SEMA6D: variants seen among roughly 807,000 people sequenced by gnomAD.
SEMA6D encodes semaphorin-6D.
A neutral mutation model predicts 106.6 loss-of-function variants in SEMA6D; 35 were observed. The ratio of observed to expected loss-of-function variants is 0.33; its 90% CI spans 0.25 to 0.44. SEMA6D has a LOEUF of 0.44. Among genes scored for constraint, SEMA6D ranks in the 20% least tolerant of loss-of-function variants. The probability of loss-of-function intolerance (pLI) is 1.00; values close to 1 mark genes in which losing one functional copy is unlikely to be tolerated. For synonymous variants in SEMA6D, 499 were observed against 487.7 expected, an observed-to-expected ratio of 1.02 and a Z score of -0.31; for missense variants, 1,185 against 1,345.9, an observed-to-expected ratio of 0.88 and a Z score of 1.87.
At chr15:47,262,481 G>C (rs900798865) in intron 1 of SEMA6D, among the ~76,000 whole-genome samples, 1 of 151,946 alleles carries the variant, frequency 6.6e-6, no homozygotes, top group Admixed American at 6.6e-5. Context: ...TGAGCAAAGG[G>C]GGAAGCCTCT....
intron 2 of SEMA6D, among the ~76,000 whole-genome samples, chr15:47,433,027 T>G (rs2041588614): frequency 6.6e-6 from 1 of 152,088 alleles, no homozygotes; most frequent in South Asian, 2.1e-4. Context: ...TTTTGACTAA[T>G]TCCACAAAAA....
intron 2 of SEMA6D, among the ~76,000 whole-genome samples, chr15:47,445,058 T>G (rs2041989999): frequency 6.6e-6 from 1 of 152,040 alleles, no homozygotes; most frequent in Admixed American, 6.6e-5. Context: ...CAAACAATCT[T>G]CTCTCCAATC....
intron 4 of SEMA6D, among the ~76,000 whole-genome samples, chr15:47,707,619 T>C (rs1458910772): frequency 6.6e-6 from 1 of 152,218 alleles, no homozygotes; most frequent in African/African-American, 2.4e-5. Flanking sequence ...GCACGTTCTC[T>C]TGAGCACGTA....
intron 3 of SEMA6D, among the ~76,000 whole-genome samples, chr15:47,568,993 C>A (rs1458082405): frequency 1.3e-5 from 2 of 152,144 alleles, no homozygotes; most frequent in African/African-American, 2.4e-5. Flanking sequence ...CCTTTATGGA[C>A]CTCCAAGGCC....
At chr15:47,430,645 C>T (rs1259150578) in intron 2 of SEMA6D, among the ~76,000 whole-genome samples, 4 of 151,974 alleles carry the variant, frequency 2.6e-5, no homozygotes, top group African/African-American at 4.8e-5. Context: ...GTGACCAAAA[C>T]GAAAGAGCAT....
chr15:47,404,305 A>G (rs998020460), intron 1 of SEMA6D, among the ~76,000 whole-genome samples: 1 of 152,226 alleles, frequency 6.6e-6, no homozygotes, highest in African/African-American at 2.4e-5. Context: ...CCATTTATTG[A>G]GAACCTAAAA....
intron 1 of SEMA6D, among the ~76,000 whole-genome samples, chr15:47,198,210 A>G (rs2141035364): frequency 6.6e-6 from 1 of 152,174 alleles, no homozygotes; most frequent in South Asian, 2.1e-4. Flanking sequence ...ATCTTGGTCA[A>G]AGGATATAAA....
chr15:47,365,942 G>T lies in SEMA6D; in HGVS notation c.-238-46451G>T, dbSNP rs530848901. Among the ~76,000 whole-genome samples the T allele has an allele frequency of 1.4e-3, 200 of 145,568 alleles. 2 individuals carry two copies. The highest frequency in any genetic ancestry group is 6.4e-3 in the Admixed American group (93 of 14,430). ...GAGAGAGAAAAGAAAGAAAGAGAAA[G>T]AAAGAAAGATAGAAAAGAAAGAAAG... On this transcript the variant is annotated intron_variant, in intron 1 of 19. Transcript: ENST00000558014.
At chr15:47,752,721 A>G (rs2081509010) in intron 1 of SEMA6D, among the ~76,000 whole-genome samples, 1 of 150,838 alleles carries the variant, frequency 6.6e-6, no homozygotes. Flanking sequence ...AATTGCTTTA[A>G]ATTGGGGCTG....
intron 1 of SEMA6D, among the ~76,000 whole-genome samples, chr15:47,265,109 A>G (rs1368713769): frequency 1.3e-5 from 2 of 151,984 alleles, no homozygotes; most frequent in Non-Finnish European, 2.9e-5. Context: ...TTGGTATCAG[A>G]GTGACACAGG....
At chr15:47,656,289 C>T (rs911201723) in intron 4 of SEMA6D, among the ~76,000 whole-genome samples, 1 of 152,202 alleles carries the variant, frequency 6.6e-6, no homozygotes, top group African/African-American at 2.4e-5. Flanking sequence ...CAGAGGCTCA[C>T]AGGAATCTAA....
intron 4 of SEMA6D, among the ~76,000 whole-genome samples, chr15:47,616,756 G>A (rs922073268): frequency 6.6e-6 from 1 of 152,062 alleles, no homozygotes; most frequent in African/African-American, 2.4e-5. Context: ...ATAAAAGACT[G>A]TACACCCAGT....
intron 1 of SEMA6D, chr15:47,730,209 T>G: frequency 6.5e-7 from 1 of 1,546,166 alleles, no homozygotes; most frequent in Non-Finnish European, 8.8e-7. Context: ...GCCACAGACT[T>G]AGGATCCAGG....
At chr15:47,761,113 A>C in intron 4 of SEMA6D, 45 bp from the exon 5 acceptor site, 2 of 1,612,214 alleles carry the variant, frequency 1.2e-6, no homozygotes, top group East Asian at 2.2e-5. Context: ...CTCCCCAAAA[A>C]TGTTCGCAGT....
At chr15:47,295,761 A>G (rs1205374085) in intron 1 of SEMA6D, among the ~76,000 whole-genome samples, 1 of 152,222 alleles carries the variant, frequency 6.6e-6, no homozygotes, top group African/African-American at 2.4e-5. Context: ...GCTTTGACAT[A>G]TAGTTGGCCC....
intron 1 of SEMA6D, among the ~76,000 whole-genome samples, chr15:47,394,487 T>A (rs1209599312): frequency 6.6e-6 from 1 of 152,154 alleles, no homozygotes; most frequent in Non-Finnish European, 1.5e-5. Flanking sequence ...GAGAACAGCC[T>A]TTAACTTCAT....
intron 3 of SEMA6D, among the ~76,000 whole-genome samples, chr15:47,473,116 C>T (rs1177321012): frequency 2.6e-5 from 4 of 152,158 alleles, no homozygotes; most frequent in African/African-American, 9.7e-5. Context: ...CTTTGCTAAT[C>T]CTTTGGACAG....
At chr15:47,239,169 G>T (rs117213506) in intron 1 of SEMA6D, among the ~76,000 whole-genome samples, 1 of 152,142 alleles carries the variant, frequency 6.6e-6, no homozygotes, top group Non-Finnish European at 1.5e-5. Flanking sequence ...TGTGAACTGC[G>T]CATGCAAGGA....
chr15:47,338,848 TG>T (rs990648040), intron 1 of SEMA6D, among the ~76,000 whole-genome samples: 1 of 152,184 alleles, frequency 6.6e-6, no homozygotes, highest in Non-Finnish European at 1.5e-5. Flanking sequence ...TCCTTTCATC[TG>T]TCCAAGGCAG....
Sources: gnomAD v4.1 joint callset for allele counts (sites outside exome capture counted in the v4.1 genomes callset) on GRCh38, gnomAD v4.1.1 for gene constraint, MANE v1.5 for transcripts, NCBI Gene and HGNC (gene_info 2026-07-23, HGNC 2026-07-21) for gene names.